CMPK1: variants seen among roughly 807,000 people sequenced by gnomAD.
The protein encoded by CMPK1 is UMP-CMP kinase.
CMPK1 carries 10 observed loss-of-function variants against 25.7 expected under a neutral mutation model. The ratio of observed to expected loss-of-function variants is 0.39; its 90% CI spans 0.24 to 0.66. The LOEUF is 0.66. Among genes scored for constraint, CMPK1 ranks in the 30% least tolerant of loss-of-function variants. CMPK1 has a pLI of 0.48. For synonymous variants in CMPK1, 106 were observed against 101.5 expected (o/e 1.04, Z -0.27); for missense variants, 199 against 280.5 (o/e 0.71, Z 2.08).
At chr1:47,376,260 GA>G (rs1646707285) in intron 5 of CMPK1, among the ~76,000 whole-genome samples, 1 of 151,540 alleles carries the variant, frequency 6.6e-6, no homozygotes, top group Non-Finnish European at 1.5e-5. Context: ...ATGTAAATTT[GA>G]TTTTTTTGTG....
intron 1 of CMPK1, among the ~76,000 whole-genome samples, chr1:47,340,110 C>T (rs1230697101): frequency 7.5e-6 from 1 of 133,050 alleles, no homozygotes; most frequent in African/African-American, 2.9e-5. Flanking sequence ...GAGATGAGCT[C>T]TCCCTCTGTT....
At chr1:47,346,565 G>A (rs1646485752) in intron 1 of CMPK1, among the ~76,000 whole-genome samples, 1 of 150,908 alleles carries the variant, frequency 6.6e-6, no homozygotes, top group Admixed American at 6.6e-5. Context: ...GTGCAATGGT[G>A]CGATCTCAAC....
At chr1:47,374,074 A>T (rs1439125040) in intron 3 of CMPK1, among the ~76,000 whole-genome samples, 1 of 151,760 alleles carries the variant, frequency 6.6e-6, no homozygotes, top group Non-Finnish European at 1.5e-5. Flanking sequence ...ATTTTATTTT[A>T]TTTTTTTGAG....
chr1:47,351,196 C>T (rs978617640), intron 1 of CMPK1, among the ~76,000 whole-genome samples: 2 of 152,094 alleles, frequency 1.3e-5, no homozygotes, highest in African/African-American at 2.4e-5. Flanking sequence ...GATTCTGCCT[C>T]AGCCTCCCAA....
In CMPK1 at chr1:47,352,093, C is replaced by T. The variant is rs74884981; in HGVS notation, c.172-16376C>T. On this transcript the variant is annotated intron_variant, in intron 1 of 5. Transcript: ENST00000371873. ...CGGAGGTTGCAGTGAGCTGAGATTG[C>T]GCCACTGCACTCCAGCCTGGGCAAC... is the stretch of plus-strand genomic sequence containing the variant. 6.1e-3 allele frequency among the ~76,000 whole-genome samples: 934 copies of T among 152,146 alleles called. 5 individuals are homozygous for T. Among genetic ancestry groups the T allele is most frequent in the East Asian group, 0.046 (240 of 5,184 alleles).
intron 1 of CMPK1, among the ~76,000 whole-genome samples, chr1:47,351,530 A>C (rs953175366): frequency 6.6e-6 from 1 of 152,222 alleles, no homozygotes; most frequent in Non-Finnish European, 1.5e-5. Context: ...GTTACTGTGA[A>C]TAATACTGCA....
chr1:47,367,128 C>T (rs1646644817), intron 1 of CMPK1, among the ~76,000 whole-genome samples: 1 of 152,140 alleles, frequency 6.6e-6, no homozygotes, highest in African/African-American at 2.4e-5. Context: ...GCATCAGCCT[C>T]CCAAAGTGCT....
intron 1 of CMPK1, among the ~76,000 whole-genome samples, chr1:47,354,009 G>T (rs958831345): frequency 6.6e-6 from 1 of 152,086 alleles, no homozygotes; most frequent in Non-Finnish European, 1.5e-5. Context: ...GAGCCACTGC[G>T]CCTCGCCTGA....
At chr1:47,345,684 C>T (rs1393929960) in intron 1 of CMPK1, among the ~76,000 whole-genome samples, 1 of 150,854 alleles carries the variant, frequency 6.6e-6, no homozygotes, top group East Asian at 2.0e-4. Context: ...TAGTCAATCT[C>T]CTGACCTCGT....
intron 2 of CMPK1, among the ~76,000 whole-genome samples, chr1:47,369,910 T>C (rs1352612304): frequency 2.2e-4 from 2 of 9,176 alleles, no homozygotes; most frequent in Non-Finnish European, 1.5e-3. Context: ...TTTCTCTCTC[T>C]TTTTTTTTTT....
chr1:47,377,915 T>C lies in CMPK1; in HGVS notation c.*1170T>C, dbSNP rs1646718015. On this transcript the variant is annotated 3_prime_UTR_variant, in exon 6 of 6. Coordinates refer to ENST00000371873, the MANE Select transcript of CMPK1 (RefSeq NM_016308.3). Reference sequence around the variant, plus strand: ...TTTACACCAATTCTTCCTTTAAAAATCTCTGAGGAATTTGTTTTCGCCTTA... The same window carrying C: ...TTTACACCAATTCTTCCTTTAAAAACCTCTGAGGAATTTGTTTTCGCCTTA... The C allele has an allele frequency of 6.6e-6, 1 of 152,624 alleles. No homozygotes were observed. The highest frequency in any genetic ancestry group is 1.5e-5 in the Non-Finnish European group (1 of 68,034). The allele number at this position is 152,624 out of a possible 1,614,324, so 9.5% of individuals were successfully genotyped here. A position where few individuals can be genotyped will look rare whatever the true frequency, so the allele number is the denominator to read the frequency against.
chr1:47,366,667 T>C (rs948330109), intron 1 of CMPK1, among the ~76,000 whole-genome samples: 3 of 152,166 alleles, frequency 2.0e-5, no homozygotes, highest in Non-Finnish European at 4.4e-5. Context: ...TTGAATTCTT[T>C]GTTTCCTTGG....
At chr1:47,354,513 G>T (rs776177451) in intron 1 of CMPK1, among the ~76,000 whole-genome samples, 1 of 151,256 alleles carries the variant, frequency 6.6e-6, no homozygotes, top group Non-Finnish European at 1.5e-5. Flanking sequence ...AGGTTTTTGC[G>T]TGCGTGCCTT....
intron 1 of CMPK1, chr1:47,358,633 A>T: frequency 1.0e-6 from 1 of 993,884 alleles, no homozygotes; most frequent in Non-Finnish European, 1.2e-6. Flanking sequence ...AGTTTTAGTT[A>T]TAAAACCTTA....
chr1:47,351,991 G>T (rs1020641943), intron 1 of CMPK1, among the ~76,000 whole-genome samples: 2 of 152,048 alleles, frequency 1.3e-5, no homozygotes, highest in Non-Finnish European at 2.9e-5. Context: ...CAAAAAATGA[G>T]CTGGGCATGG....
chr1:47,374,138 A>G (rs1646693308), intron 3 of CMPK1, among the ~76,000 whole-genome samples: 1 of 152,154 alleles, frequency 6.6e-6, no homozygotes. Context: ...ATCTTAGCTC[A>G]CTGCAACCTC....
intron 1 of CMPK1, among the ~76,000 whole-genome samples, chr1:47,336,657 G>A (rs1226244714): frequency 1.3e-5 from 2 of 152,012 alleles, no homozygotes; most frequent in Non-Finnish European, 2.9e-5. Context: ...CAAGTAGCTG[G>A]GATGACAGGT....
intron 1 of CMPK1, among the ~76,000 whole-genome samples, chr1:47,335,047 T>G (rs1212179443): frequency 6.6e-6 from 1 of 152,132 alleles, no homozygotes; most frequent in Non-Finnish European, 1.5e-5. Flanking sequence ...TCATGGACAA[T>G]CTGGGGAATG....
At chr1:47,346,782 C>T (rs1276202022) in intron 1 of CMPK1, among the ~76,000 whole-genome samples, 2 of 152,004 alleles carry the variant, frequency 1.3e-5, no homozygotes, top group Non-Finnish European at 2.9e-5. Context: ...GGATTACAGG[C>T]ATGAGCCACC....
Sources: gnomAD v4.1 joint callset for allele counts (sites outside exome capture counted in the v4.1 genomes callset) on GRCh38, gnomAD v4.1.1 for gene constraint, MANE v1.5 for transcripts, NCBI Gene and HGNC (gene_info 2026-07-23, HGNC 2026-07-21) for gene names.